The following NRXN2 variants were observed in gnomAD, a reference collection of about 807,000 sequenced individuals.
The protein encoded by NRXN2 is neurexin 2.
NRXN2 carries 29 observed loss-of-function variants against 128.8 expected under a neutral mutation model. The observed-to-expected ratio is 0.23, with a 90% CI of 0.17 to 0.31. The LOEUF is 0.31. NRXN2 is among the 10% of genes least tolerant of loss of function. The probability of loss-of-function intolerance (pLI) is 1.00; values close to 1 mark genes in which losing one functional copy is unlikely to be tolerated. For synonymous variants in NRXN2, 1,098 were observed against 1,075.2 expected, an observed-to-expected ratio of 1.02 and a Z score of -0.41; for missense variants, 1,881 against 2,452.6, an observed-to-expected ratio of 0.77 and a Z score of 4.92.
intron 17 of NRXN2, among the ~76,000 whole-genome samples, chr11:64,640,338 A>G (rs2045474635): frequency 6.6e-6 from 1 of 152,130 alleles, no homozygotes; most frequent in Non-Finnish European, 1.5e-5. Context: ...TCCCTCAGCC[A>G]GTTCCTCTCT....
In NRXN2 at chr11:64,638,945, GA is replaced by G. The variant is rs573403837; in HGVS notation, c.3404-3494del. On this transcript the variant is annotated intron_variant, in intron 17 of 22. Transcript: ENST00000265459. ...CAGTCCCACACACACCTGCATTCTA[GA>G]AAAAAACCAACCAACCATTAATAAT... Among the ~76,000 whole-genome samples, 15 of 152,172 alleles carry G rather than the reference GA, an allele frequency of 9.9e-5. No individual in the cohort carries two copies. In the East Asian group the frequency reaches 2.9e-3, roughly 29 times the overall value.
chr11:64,685,588 C>T (rs1483305453), intron 6 of NRXN2, 58 bp downstream of exon 6: 4 of 1,610,428 alleles, frequency 2.5e-6, no homozygotes, highest in Non-Finnish European at 3.4e-6. Context: ...CCCCCTCTCC[C>T]AACCCCCATT....
chr11:64,688,428 A>G, intron 5 of NRXN2: 2 of 985,446 alleles, frequency 2.0e-6, no homozygotes, highest in Non-Finnish European at 2.4e-6. Context: ...GTGAGGAGAG[A>G]GAGAGAGAAC....
At position 64,649,476 on chromosome 11, in the gene NRXN2, C is replaced by T. The variant is rs147538528; in HGVS notation, c.3110-569G>A. Among the ~76,000 whole-genome samples, 11 of 152,324 alleles carry T rather than the reference C, an allele frequency of 7.2e-5. No homozygotes were observed. In the East Asian group the frequency reaches 1.9e-3, roughly 27 times the overall value. ...CTGGAAGCCCTAGCCAGCCCACAGC[C>T]GAGCTTCAGTCAAGACACTGGTCAG... is the stretch of plus-strand genomic sequence containing the variant. On this transcript the variant is annotated intron_variant, in intron 15 of 22. Coordinates refer to ENST00000265459, the MANE Select transcript of NRXN2 (RefSeq NM_015080.4).
chr11:64,626,060 C>G (rs993885177), intron 20 of NRXN2, among the ~76,000 whole-genome samples: 1 of 152,150 alleles, frequency 6.6e-6, no homozygotes, highest in Non-Finnish European at 1.5e-5. Context: ...GCTCTGTGGC[C>G]CTCAGCTAGC....
Position 64,607,425 on chromosome 11 carries a change from C to T in NRXN2, c.4910G>A (p.Gly1637Asp). 2 of 1,613,036 alleles carry T rather than the reference C, an allele frequency of 1.2e-6. No individual in the cohort carries two copies. Among genetic ancestry groups the T allele is most frequent in the East Asian group, 2.2e-5 (1 of 44,818 alleles). The change falls in exon 23 of 23, where the codon GGC (glycine) becomes GAC (aspartate). Residue 1637 changes from glycine to aspartate, a missense_variant. By Grantham distance (94) the Gly-to-Asp change is moderately conservative (BLOSUM62 -1). Coordinates refer to ENST00000265459, the MANE Select transcript of NRXN2 (RefSeq NM_015080.4). ...EVIRESSSTT[G>D]MVVGIVAAAA... ...CGCCGCCACAATGCCCACCACCATG[C>T]CCGTGGTGCTGCTGGACTCCCGGAT...
chr11:64,681,182 T>G (rs886156397), intron 6 of NRXN2, among the ~76,000 whole-genome samples: 4 of 150,464 alleles, frequency 2.7e-5, no homozygotes, highest in Non-Finnish European at 5.9e-5. Flanking sequence ...AGTAGTTCAG[T>G]GCTCACATGA....
At chr11:64,644,780 G>A (rs569829841) in intron 17 of NRXN2, among the ~76,000 whole-genome samples, 7 of 152,120 alleles carry the variant, frequency 4.6e-5, no homozygotes, top group South Asian at 2.1e-4. Flanking sequence ...AGGCAGGGGC[G>A]GGTGAAGTGA....
intron 17 of NRXN2, among the ~76,000 whole-genome samples, chr11:64,638,380 TC>T (rs2045116025): frequency 6.6e-6 from 1 of 152,122 alleles, no homozygotes. Flanking sequence ...GACATTTCTC[TC>T]CCCAGCACCG....
At chr11:64,717,008 C>T (rs542279498) in intron 1 of NRXN2, among the ~76,000 whole-genome samples, 91 of 152,060 alleles carry the variant, frequency 6.0e-4, no homozygotes, top group Admixed American at 4.1e-3. Context: ...TCCCAGAATA[C>T]AGGGGGCTCC....
intron 17 of NRXN2, among the ~76,000 whole-genome samples, chr11:64,646,799 T>C (rs1001836472): frequency 1.1e-4 from 5 of 45,580 alleles, no homozygotes; most frequent in Non-Finnish European, 1.8e-4. Context: ...CAGGTCTCCA[T>C]GCCTTGGCAG....
chr11:64,644,622 T>C (rs1295616994), intron 17 of NRXN2, among the ~76,000 whole-genome samples: 1 of 152,044 alleles, frequency 6.6e-6, no homozygotes, highest in South Asian at 2.1e-4. Context: ...CCGGGTCGTA[T>C]GCACCAACCT....
intron 3 of NRXN2, among the ~76,000 whole-genome samples, chr11:64,697,263 A>G (rs1226144902): frequency 6.6e-6 from 1 of 151,550 alleles, no homozygotes; most frequent in Non-Finnish European, 1.5e-5. Flanking sequence ...TACACCTCCA[A>G]CCCCCTACTC....
chr11:64,673,309 A>G (rs2050864980), intron 7 of NRXN2, among the ~76,000 whole-genome samples: 2 of 152,194 alleles, frequency 1.3e-5, no homozygotes, highest in African/African-American at 4.8e-5. Flanking sequence ...GAACTTCTCA[A>G]CCTTCTCAAG....
intron 7 of NRXN2, chr11:64,676,653 T>A: frequency 2.8e-6 from 1 of 360,044 alleles, no homozygotes; most frequent in Admixed American, 4.4e-5. Flanking sequence ...CAGCCTGGCA[T>A]CGGGGCTGGT....
At chr11:64,691,375 G>A (rs1167990018) in intron 4 of NRXN2, among the ~76,000 whole-genome samples, 4 of 152,080 alleles carry the variant, frequency 2.6e-5, no homozygotes, top group East Asian at 3.9e-4. Context: ...AGGCCAGCTC[G>A]AATCTTCACC....
At chr11:64,646,730 A>G (rs575040656) in intron 17 of NRXN2, among the ~76,000 whole-genome samples, 1 of 152,354 alleles carries the variant, frequency 6.6e-6, no homozygotes, top group East Asian at 1.9e-4. Flanking sequence ...CGAAGTTACC[A>G]TCATCTCCAG....
At chr11:64,693,971 C>T (rs189755699) in intron 3 of NRXN2, among the ~76,000 whole-genome samples, 111 of 152,294 alleles carry the variant, frequency 7.3e-4, no homozygotes, top group African/African-American at 2.5e-3. Flanking sequence ...TCCAGGATTA[C>T]ACTGGCCCCT....
intron 3 of NRXN2, 149 bp from the exon 4 acceptor site, chr11:64,693,025 T>C (rs2054033323): frequency 1.3e-5 from 10 of 743,034 alleles, no homozygotes; most frequent in South Asian, 1.3e-4. Flanking sequence ...TTAAAAACCT[T>C]TTTTAACTTG....
Sources: gnomAD v4.1 joint callset for allele counts (sites outside exome capture counted in the v4.1 genomes callset) on GRCh38, gnomAD v4.1.1 for gene constraint, MANE v1.5 for transcripts, NCBI Gene and HGNC (gene_info 2026-07-23, HGNC 2026-07-21) for gene names.